Variants in RALYL observed in about 807,000 individuals in gnomAD.
The protein encoded by RALYL is RALY RNA binding protein like.
Under a neutral mutation model 35.1 loss-of-function variants are expected in RALYL, and 29 were observed. The ratio of observed to expected loss-of-function variants is 0.83; its 90% CI spans 0.61 to 1.13. RALYL has a LOEUF of 1.13. RALYL is among the 50% of genes most tolerant of loss of function. The pLI, the probability that RALYL is intolerant of heterozygous loss-of-function variation, is 0.00. For missense variants in RALYL, 359 were observed against 360.4 expected, an observed-to-expected ratio of 1.00 and a Z score of 0.03; for synonymous variants, 120 against 127.6, an observed-to-expected ratio of 0.94 and a Z score of 0.40.
At chr8:84,788,470 T>C (rs1276808327) in intron 3 of RALYL, among the ~76,000 whole-genome samples, 2 of 152,164 alleles carry the variant, frequency 1.3e-5, no homozygotes, top group African/African-American at 4.8e-5. Context: ...AATTAGACAT[T>C]TTCAGTGAAA....
At chr8:84,383,912 T>C (rs1004406978) in intron 1 of RALYL, among the ~76,000 whole-genome samples, 5 of 151,598 alleles carry the variant, frequency 3.3e-5, no homozygotes, top group Non-Finnish European at 7.4e-5. Context: ...AAATTTGAGA[T>C]GATAGCCAGC....
At chr8:84,414,312 T>G (rs1007843104) in intron 1 of RALYL, among the ~76,000 whole-genome samples, 2 of 152,222 alleles carry the variant, frequency 1.3e-5, no homozygotes, top group Non-Finnish European at 2.9e-5. Context: ...ATTCTTCATT[T>G]TATCCACATT....
At chr8:84,681,583 G>A (rs563398344) in intron 2 of RALYL, among the ~76,000 whole-genome samples, 90 of 152,188 alleles carry the variant, frequency 5.9e-4, no homozygotes, top group African/African-American at 1.9e-3. Context: ...GGATTCCTAG[G>A]TATTTTATTC....
chr8:84,732,676 A>ATATATGTGTATG (rs1160595703), intron 2 of RALYL, among the ~76,000 whole-genome samples: 3 of 139,746 alleles, frequency 2.1e-5, no homozygotes, highest in African/African-American at 8.4e-5. Context: ...AATTATATAT[A>ATATATGTGTATG]TATATATACA....
intron 2 of RALYL, among the ~76,000 whole-genome samples, chr8:84,542,086 T>C (rs2060054333): frequency 2.6e-5 from 4 of 152,144 alleles, no homozygotes; most frequent in Admixed American, 1.3e-4. Flanking sequence ...TTTTTAAATT[T>C]GTTCCATGTA....
intron 1 of RALYL, among the ~76,000 whole-genome samples, chr8:84,471,553 C>G (rs1162894056): frequency 1.3e-5 from 2 of 152,050 alleles, no homozygotes; most frequent in Non-Finnish European, 2.9e-5. Flanking sequence ...GAGAAAGACT[C>G]TGTCTCCAAA....
At chr8:84,193,716 CT>C (rs2130904286) in intron 1 of RALYL, among the ~76,000 whole-genome samples, 1 of 152,242 alleles carries the variant, frequency 6.6e-6, no homozygotes, top group East Asian at 1.9e-4. Flanking sequence ...TAATGAGGAA[CT>C]TGGCAAAATT....
At chr8:84,774,901 G>T (rs1264221874) in intron 3 of RALYL, among the ~76,000 whole-genome samples, 2 of 151,980 alleles carry the variant, frequency 1.3e-5, no homozygotes, top group Admixed American at 6.6e-5. Flanking sequence ...AATCACTAAT[G>T]ACTCTACCTG....
intron 1 of RALYL, among the ~76,000 whole-genome samples, chr8:84,280,301 G>A (rs1032806475): frequency 6.6e-6 from 1 of 151,980 alleles, no homozygotes; most frequent in Non-Finnish European, 1.5e-5. Flanking sequence ...ATCTAGATGA[G>A]AACTCTAGAA....
chr8:84,615,090 A>C (rs947194311), intron 2 of RALYL, among the ~76,000 whole-genome samples: 3 of 151,792 alleles, frequency 2.0e-5, no homozygotes, highest in Non-Finnish European at 2.9e-5. Flanking sequence ...AAAACCATAT[A>C]ATCAATATGT....
intron 2 of RALYL, among the ~76,000 whole-genome samples, chr8:84,539,921 C>G (rs1286204817): frequency 2.8e-5 from 4 of 142,806 alleles, no homozygotes; most frequent in Non-Finnish European, 4.6e-5. Flanking sequence ...CATGCACAGA[C>G]ATACACACAC....
At chr8:84,721,999 A>G (rs1375860872) in intron 2 of RALYL, among the ~76,000 whole-genome samples, 2 of 152,126 alleles carry the variant, frequency 1.3e-5, no homozygotes, top group African/African-American at 2.4e-5. Flanking sequence ...AAGCTCTCTC[A>G]AGGGCTTTCA....
At chr8:84,343,469 G>A (rs1586461101) in intron 1 of RALYL, among the ~76,000 whole-genome samples, 1 of 151,880 alleles carries the variant, frequency 6.6e-6, no homozygotes, top group Non-Finnish European at 1.5e-5. Flanking sequence ...AACAAAATAA[G>A]CCGTCTTATA....
chr8:84,794,689 A>T (rs1270502343), intron 3 of RALYL, among the ~76,000 whole-genome samples: 1 of 152,160 alleles, frequency 6.6e-6, no homozygotes, highest in East Asian at 1.9e-4. Context: ...CTTTACCCTA[A>T]CCAAATATCT....
chr8:84,201,916 A>G (rs1486694535), intron 1 of RALYL, among the ~76,000 whole-genome samples: 2 of 152,160 alleles, frequency 1.3e-5, no homozygotes, highest in African/African-American at 4.8e-5. Context: ...GATAAATGAT[A>G]TGTATTACAT....
At chr8:84,456,816 G>T (rs1384213905) in intron 1 of RALYL, among the ~76,000 whole-genome samples, 1 of 151,918 alleles carries the variant, frequency 6.6e-6, no homozygotes, top group East Asian at 1.9e-4. Flanking sequence ...ACATCAGCCA[G>T]AAAATTTTTA....
At chr8:84,311,053 C>CAAAAAAA (rs34029529) in intron 1 of RALYL, among the ~76,000 whole-genome samples, 213 of 9,524 alleles carry the variant, frequency 0.022, 41 homozygotes, top group East Asian at 0.03. Flanking sequence ...GACTCCGTCT[C>CAAAAAAA]AAAAAAAAAA....
intron 1 of RALYL, among the ~76,000 whole-genome samples, chr8:84,441,869 TA>T (rs1310744871): frequency 6.6e-6 from 1 of 152,120 alleles, no homozygotes. Flanking sequence ...TCAGGACTAG[TA>T]TTGGGGCATT....
chr8:84,366,797 TC>T (rs1389913048), intron 1 of RALYL, among the ~76,000 whole-genome samples: 1 of 130,164 alleles, frequency 7.7e-6, no homozygotes, highest in African/African-American at 2.9e-5. Flanking sequence ...AAAAAGGGTA[TC>T]CTGGGAGTTT....
Sources: gnomAD v4.1 joint callset for allele counts (sites outside exome capture counted in the v4.1 genomes callset) on GRCh38, gnomAD v4.1.1 for gene constraint, MANE v1.5 for transcripts, NCBI Gene and HGNC (gene_info 2026-07-23, HGNC 2026-07-21) for gene names.